Variants in DOT1L observed in about 807,000 individuals in gnomAD.
The protein encoded by DOT1L is histone-lysine N-methyltransferase, H3 lysine-79 specific.
Under a neutral mutation model 153.3 loss-of-function variants are expected in DOT1L, and 33 were observed. That is an observed-to-expected ratio of 0.22 (90% CI 0.16 to 0.29). The LOEUF (loss-of-function observed/expected upper bound fraction) is 0.29, where lower values mean the gene tolerates loss of function less well. Among genes scored for constraint, DOT1L ranks in the 10% least tolerant of loss-of-function variants. The pLI, the probability that DOT1L is intolerant of heterozygous loss-of-function variation, is 1.00. For synonymous variants in DOT1L, 1,135 were observed against 965.1 expected, an observed-to-expected ratio of 1.18 and a Z score of -3.26; for missense variants, 1,847 against 2,119.9, an observed-to-expected ratio of 0.87 and a Z score of 2.53.
Position 2,167,941 on chromosome 19 carries a change from G to C in DOT1L, c.81+3676G>C, listed in dbSNP as rs539768963. On this transcript the variant is annotated intron_variant, in intron 1 of 27. Coordinates refer to ENST00000398665, the MANE Select transcript of DOT1L (RefSeq NM_032482.3). ...GTAGAGACAGGGTTTCACCATATTG[G>C]CCAGGCTGGTCTCAAACTCCTGACC... is the stretch of plus-strand genomic sequence containing the variant. Among the ~76,000 whole-genome samples, 300 of 152,078 alleles carry C rather than the reference G, an allele frequency of 2.0e-3. 1 individual carries two copies. The highest frequency in any genetic ancestry group is 6.7e-3 in the African/African-American group (276 of 41,474).
Position 2,217,165 on chromosome 19 carries a change from G to A in DOT1L, c.2544+75G>A. 6.8e-7 allele frequency: 1 copy of A among 1,478,644 alleles called. No homozygotes were observed. The highest frequency in any genetic ancestry group is 2.4e-5 in the East Asian group (1 of 42,016). The allele number at this position is 1,478,644 out of a possible 1,614,324, so 91.6% of individuals were successfully genotyped here. ...CGGCCTGAGCGAGTTGCTAGCAGGA[G>A]GGCTTGTCCTAGTTGACCTTGGGGC... is the stretch of plus-strand genomic sequence containing the variant. On this transcript the variant is annotated intron_variant, in intron 21 of 27. Transcript: ENST00000398665. This position sits in a 1 kb window ranked among gnomAD's most constrained non-coding sequence, Gnocchi z 7.3.
Position 2,190,965 on chromosome 19 carries a change from G to A in DOT1L, c.265-47G>A, listed in dbSNP as rs2022769178. On this transcript the variant is annotated intron_variant, in intron 4 of 27. Coordinates refer to ENST00000398665, the MANE Select transcript of DOT1L (RefSeq NM_032482.3). This position sits in a 1 kb window ranked among gnomAD's most constrained non-coding sequence, Gnocchi z 4.8. Reference sequence around the variant, plus strand: ...CCCGGGTCTTGGTGGTGGAGGGGCTGGGCCGTGAGGTTTATGTGACATGGC... The same window carrying A: ...CCCGGGTCTTGGTGGTGGAGGGGCTAGGCCGTGAGGTTTATGTGACATGGC... 6.6e-7 allele frequency: 1 copy of A among 1,517,878 alleles called. No homozygotes were observed. The highest frequency in any genetic ancestry group is 8.9e-7 in the Non-Finnish European group (1 of 1,125,454). 94.0% of individuals were successfully genotyped at this position (1,517,878 alleles called of 1,614,324 possible).
At position 2,208,181 on chromosome 19, in the gene DOT1L, G is replaced by A. The variant is rs568189576; in HGVS notation, c.963+501G>A. 3.7e-4 allele frequency among the ~76,000 whole-genome samples: 57 copies of A among 152,156 alleles called. No homozygotes were observed. Among genetic ancestry groups the A allele is most frequent in the Non-Finnish European group, 6.6e-4 (45 of 67,980 alleles). ...AGTGTGCGGCCTGCCTGCCTCCCACGGTGCTTCCCCCCCGGGCACGAGTAT... is the reference window on the plus strand; with the variant it reads ...AGTGTGCGGCCTGCCTGCCTCCCACAGTGCTTCCCCCCCGGGCACGAGTAT... On this transcript the variant is annotated intron_variant, in intron 11 of 27. Coordinates refer to ENST00000398665, the MANE Select transcript of DOT1L (RefSeq NM_032482.3). This position sits in a 1 kb window ranked among gnomAD's most constrained non-coding sequence, Gnocchi z 4.4.
chr19:2,211,440 C>T (rs184908550), intron 15 of DOT1L, among the ~76,000 whole-genome samples: 41 of 152,274 alleles, frequency 2.7e-4, no homozygotes, highest in African/African-American at 9.1e-4. Context: ...ACACTTGGGA[C>T]GTCTGCAGTT....
At chr19:2,179,821 C>T (rs1048386293) in intron 1 of DOT1L, among the ~76,000 whole-genome samples, 3 of 152,200 alleles carry the variant, frequency 2.0e-5, no homozygotes, top group Non-Finnish European at 2.9e-5. Flanking sequence ...AAGACATGGG[C>T]TCTCGCTGTT....
Position 2,216,576 on chromosome 19 carries a change from C to T in DOT1L, c.2219C>T (p.Ala740Val), listed in dbSNP as rs1448752235. The change falls in exon 20 of 28, where the codon GCC becomes GTC. Residue 740 changes from alanine (A) to valine (V), a missense_variant. By Grantham distance (64) the Ala-to-Val change is moderately conservative (BLOSUM62 0). This residue lies in a region of DOT1L where 281 missense variants were observed against 263.6 expected (regional missense o/e 1.07). Transcript: ENST00000398665. ...AAGCAGAACACGCCCCAGTACCTGG[C>T]CTCACCCCTGGACCAGGAGGTGGTG... ...SSKQNTPQYL[A>V]SPLDQEVVPC... is the part of the protein sequence containing the mutation. 9.9e-6 allele frequency: 16 copies of T among 1,608,852 alleles called. No homozygotes were observed. In the East Asian group the frequency reaches 2.9e-4, roughly 29 times the overall value.
At chr19:2,224,005 C>T (rs1467138392) in intron 25 of DOT1L, among the ~76,000 whole-genome samples, 1 of 152,122 alleles carries the variant, frequency 6.6e-6, no homozygotes, top group African/African-American at 2.4e-5. Flanking sequence ...GCACCCCCCG[C>T]CCCCATCCTA....
chr19:2,222,644 T>A lies in DOT1L; in HGVS notation c.3390+85T>A. On this transcript the variant is annotated intron_variant, in intron 24 of 27. Transcript: ENST00000398665. This position sits in a 1 kb window ranked among gnomAD's most constrained non-coding sequence, Gnocchi z 6.5. ...GACCGGGCGCGGTGGCTCACGCCTG[T>A]AATCCCAGCATTTTGGGAGGCCGAG... The A allele has an allele frequency of 7.5e-7, 1 of 1,326,672 alleles. No individual in the cohort carries two copies. Among genetic ancestry groups the A allele is most frequent in the Non-Finnish European group, 1.0e-6 (1 of 996,722 alleles). 82.2% of individuals were successfully genotyped at this position (1,326,672 alleles called of 1,614,324 possible).
chr19:2,189,464 G>A (rs531635269), intron 3 of DOT1L, among the ~76,000 whole-genome samples: 3 of 152,322 alleles, frequency 2.0e-5, no homozygotes, highest in African/African-American at 4.8e-5. Context: ...GGCTTTGCGC[G>A]GGAGCCTGGG....
chr19:2,228,767 G>C (rs2024477451), intron 27 of DOT1L: 1 of 985,304 alleles, frequency 1.0e-6, no homozygotes, highest in African/African-American at 1.7e-5. Context: ...ACTCATGACG[G>C]GTGGCGTGGC....
chr19:2,205,107 A>G (rs1056747662), intron 9 of DOT1L, among the ~76,000 whole-genome samples: 1 of 151,956 alleles, frequency 6.6e-6, no homozygotes, highest in East Asian at 1.9e-4. Flanking sequence ...AGTAGCTGGG[A>G]CTACAGGCGC....
chr19:2,182,780 G>A lies in DOT1L; in HGVS notation c.125+2024G>A, dbSNP rs563722288. Among the ~76,000 whole-genome samples the A allele has an allele frequency of 2.0e-3, 312 of 152,272 alleles. 2 individuals carry two copies. The highest frequency in any genetic ancestry group is 6.9e-3 in the African/African-American group (285 of 41,550). On this transcript the variant is annotated intron_variant, in intron 2 of 27. Transcript: ENST00000398665. ...GGGTCAGAGGAGACCCCAGGCCCCC[G>A]GATCTCAGGCAGTGGCGGTGAGAGT...
At chr19:2,225,670 C>T (rs1377595980) in intron 26 of DOT1L, among the ~76,000 whole-genome samples, 3 of 151,842 alleles carry the variant, frequency 2.0e-5, no homozygotes, top group Non-Finnish European at 2.9e-5. Context: ...GGGAGGCCCT[C>T]ACTGCAGCCC....
chr19:2,172,259 TGCTCACTGCAA>T (rs2021675868), intron 1 of DOT1L, among the ~76,000 whole-genome samples: 1 of 151,344 alleles, frequency 6.6e-6, no homozygotes, highest in Non-Finnish European at 1.5e-5. Flanking sequence ...GCGCGATCTC[TGCTCACTGCAA>T]GCTCCGCCTT....
At position 2,190,628 on chromosome 19, in the gene DOT1L, C is replaced by A. The variant is rs1365109005; in HGVS notation, c.265-384C>A. ...CAGATGAGGTGTGGTAGGCTCAGGG[C>A]TTTCACGGGGCTCGTGGCACCTGAC... On this transcript the variant is annotated intron_variant, in intron 4 of 27. Transcript: ENST00000398665. The surrounding 1 kb of genome is among the most constrained non-coding windows in gnomAD (Gnocchi z 4.8). Among the ~76,000 whole-genome samples the A allele has an allele frequency of 6.6e-6, 1 of 152,066 alleles. No individual in the cohort carries two copies. Among genetic ancestry groups the A allele is most frequent in the Non-Finnish European group, 1.5e-5 (1 of 67,988 alleles).
rs1244253227 is a variant in DOT1L at position 2,216,318 on chromosome 19, A to G, written c.1961A>G (p.Gln654Arg). 1 of 1,594,518 alleles carries G rather than the reference A, an allele frequency of 6.3e-7. No individual in the cohort carries two copies. The highest frequency in any genetic ancestry group is 8.6e-7 in the Non-Finnish European group (1 of 1,166,310). Residue 654 changes from glutamine (Q) to arginine (R), a missense_variant, in exon 20 of 28, where the codon CAG becomes CGG. Physicochemically the swap from Gln to Arg is conservative, Grantham distance 43 (BLOSUM62 1). This residue lies in a region of DOT1L where 156 missense variants were observed against 235.7 expected (regional missense o/e 0.66). Coordinates refer to ENST00000398665, the MANE Select transcript of DOT1L (RefSeq NM_032482.3). ...GAGCTAGAGAAGAGCCAGCGGCAGC[A>G]GGAGCTCCTGCAGCTCAAGTCCTGT... ...IVELEKSQRQ[Q>R]ELLQLKSCVP...
rs1027539883 is a variant in DOT1L at position 2,197,815 on chromosome 19, G to T, written c.652-2069G>T. On this transcript the variant is annotated intron_variant, in intron 7 of 27. Transcript: ENST00000398665. This position sits in a 1 kb window ranked among gnomAD's most constrained non-coding sequence, Gnocchi z 4.1. ...GTACCAGCCTCTGCCTCTGGCATCC[G>T]TCCTGTTTACAGCCAACCCTGCTGC... Among the ~76,000 whole-genome samples the T allele has an allele frequency of 2.6e-5, 4 of 152,330 alleles. No homozygotes were observed. The South Asian group carries it at 8.3e-4, about 32-fold the overall frequency.
intron 19 of DOT1L, 187 bp from the exon 20 acceptor site, chr19:2,216,094 C>T: frequency 1.4e-6 from 1 of 734,206 alleles, no homozygotes; most frequent in Non-Finnish European, 2.1e-6. Context: ...CTCGGCCCTC[C>T]ACATGACTTT....
intron 2 of DOT1L, among the ~76,000 whole-genome samples, chr19:2,183,558 T>A (rs1453669892): frequency 6.6e-6 from 1 of 152,058 alleles, no homozygotes; most frequent in East Asian, 1.9e-4. Flanking sequence ...TAGAAATTGG[T>A]TTGAGCCTGC....
Sources: allele counts gnomAD v4.1 joint callset (sites outside exome capture counted in the v4.1 genomes callset), GRCh38; gene constraint gnomAD v4.1.1; regional missense constraint gnomAD v4.1.1; non-coding constraint Gnocchi (gnomAD v3.1); transcripts MANE v1.5; gene names NCBI Gene and HGNC (gene_info 2026-07-23, HGNC 2026-07-21).